SMCO2: variants seen among roughly 807,000 people sequenced by gnomAD.
SMCO2 encodes the protein single-pass membrane and coiled-coil domain-containing protein 2.
A neutral mutation model predicts 29.5 loss-of-function variants in SMCO2; 25 were observed. The ratio of observed to expected loss-of-function variants is 0.85; its 90% CI spans 0.62 to 1.18. The LOEUF (loss-of-function observed/expected upper bound fraction) is 1.18. Among genes scored for constraint, SMCO2 ranks in the 50% most tolerant of loss-of-function variants. The pLI is 0.00. For synonymous variants in SMCO2, 117 were observed against 123.3 expected, an observed-to-expected ratio of 0.95 and a Z score of 0.34; for missense variants, 348 against 344.5, an observed-to-expected ratio of 1.01 and a Z score of -0.08.
chr12:27,434,222 G>A, the SMCO2 span, among the ~76,000 whole-genome samples: 258 of 152,296 alleles, frequency 1.7e-3, no homozygotes, highest in African/African-American at 5.8e-3. Context: ...CTGGGAGCTT[G>A]TCAGGAATGC....
chr12:27,497,731 T>TC (rs1943027173), intron 7 of SMCO2: 1 of 127,304 alleles, frequency 7.9e-6, no homozygotes. Context: ...AGACCTGGTC[T>TC]CAAAAAAAAA....
the SMCO2 span, among the ~76,000 whole-genome samples, chr12:27,460,095 C>T: frequency 2.2e-4 from 33 of 152,252 alleles, no homozygotes; most frequent in African/African-American, 7.7e-4. Flanking sequence ...TCATATGTAA[C>T]ATGTATTACC....
chr12:27,475,778 A>G (rs1949581211), intron 4 of SMCO2, 47 bp downstream of exon 5: 1 of 1,393,418 alleles, frequency 7.2e-7, no homozygotes, highest in Middle Eastern at 2.3e-4. Context: ...AGAAAGTTTC[A>G]TAGCTTTAAA....
chr12:27,461,577 G>T, the SMCO2 span, among the ~76,000 whole-genome samples: 1 of 152,150 alleles, frequency 6.6e-6, no homozygotes. Context: ...CAGAACCCAC[G>T]GATAAGGAGA....
the SMCO2 span, among the ~76,000 whole-genome samples, chr12:27,455,407 G>A: frequency 6.6e-6 from 1 of 152,108 alleles, no homozygotes; most frequent in Non-Finnish European, 1.5e-5. Flanking sequence ...TATTCCTAGA[G>A]GCACATTTTC....
intron 6 of SMCO2, 59 bp from the exon 8 acceptor site, chr12:27,495,621 A>G: frequency 1.4e-6 from 2 of 1,386,632 alleles, no homozygotes; most frequent in Non-Finnish European, 9.6e-7. Flanking sequence ...CATTATCTAT[A>G]GTAAGACTTG....
chr12:27,434,597 T>C, the SMCO2 span, among the ~76,000 whole-genome samples: 1 of 152,126 alleles, frequency 6.6e-6, no homozygotes, highest in Non-Finnish European at 1.5e-5. Flanking sequence ...ACAAACCAAC[T>C]GAAAAAGATC....
intron 5 of SMCO2, among the ~76,000 whole-genome samples, chr12:27,492,469 G>A (rs529294573): frequency 8.9e-4 from 135 of 152,212 alleles, no homozygotes; most frequent in African/African-American, 2.5e-3. Context: ...GGGCCAAGAC[G>A]GGTTGATTGC....
the SMCO2 span, among the ~76,000 whole-genome samples, chr12:27,443,382 A>G: frequency 6.6e-6 from 1 of 152,254 alleles, no homozygotes; most frequent in Non-Finnish European, 1.5e-5. Context: ...AATAAAGCCC[A>G]TCTATGACAA....
chr12:27,495,525 G>T (rs1300604466), intron 6 of SMCO2, among the ~76,000 whole-genome samples, 155 bp from the exon 8 acceptor site: 1 of 150,658 alleles, frequency 6.6e-6, no homozygotes, highest in Non-Finnish European at 1.5e-5. Flanking sequence ...TTCTATTCAA[G>T]ATGCACCTGC....
chr12:27,469,362 G>A (rs1949523196), intron 1 of SMCO2, among the ~76,000 whole-genome samples: 1 of 152,072 alleles, frequency 6.6e-6, no homozygotes, highest in South Asian at 2.1e-4. Flanking sequence ...TCTTTCACAG[G>A]GGCCCCTTTT....
the SMCO2 span, among the ~76,000 whole-genome samples, chr12:27,457,317 A>G: frequency 6.6e-6 from 1 of 152,118 alleles, no homozygotes; most frequent in Non-Finnish European, 1.5e-5. Context: ...TAATTTTTGA[A>G]CAAGAGACCC....
the SMCO2 span, among the ~76,000 whole-genome samples, chr12:27,437,255 A>G: frequency 6.6e-6 from 1 of 152,144 alleles, no homozygotes; most frequent in East Asian, 1.9e-4. Flanking sequence ...TGGGTGACAG[A>G]GAAAGACCTT....
the SMCO2 span, among the ~76,000 whole-genome samples, chr12:27,432,347 G>A: frequency 8.6e-5 from 13 of 151,988 alleles, 1 homozygote; most frequent in South Asian, 1.7e-3. Flanking sequence ...AGCACGTGTC[G>A]TACTTATTTT....
rs1031817968 is a variant in SMCO2, at chr12:27,501,827, T to A, written c.684-96T>A. On this transcript the variant is annotated intron_variant, in intron 7 of 7. Transcript: ENST00000298876. ...CTGAAGTCAAGAGAAAATTACTTAG[T>A]TGAAGTTTTAGAGCTACCTGGGTGG... The A allele has an allele frequency of 5.4e-6, 5 of 929,212 alleles. 1 individual carries two copies. Among genetic ancestry groups the A allele is most frequent in the Non-Finnish European group, 6.1e-6 (4 of 659,322 alleles). The allele number at this position is 929,212 out of a possible 1,614,324, so 57.6% of individuals were successfully genotyped here.
chr12:27,443,993 A>G, the SMCO2 span, among the ~76,000 whole-genome samples: 1 of 152,250 alleles, frequency 6.6e-6, no homozygotes, highest in Admixed American at 6.5e-5. Context: ...ATATGGAACC[A>G]TGAAATACTT....
At chr12:27,428,818 CTTTTTTT>C in the SMCO2 span, among the ~76,000 whole-genome samples, 1 of 130,046 alleles carries the variant, frequency 7.7e-6, no homozygotes, top group Non-Finnish European at 1.6e-5. Flanking sequence ...AATAAATGTA[CTTTTTTT>C]TTTTTTTTTT....
At chr12:27,486,356 C>T (rs1199258208) in intron 4 of SMCO2, among the ~76,000 whole-genome samples, 1 of 152,208 alleles carries the variant, frequency 6.6e-6, no homozygotes, top group African/African-American at 2.4e-5. Flanking sequence ...CCTGCATCCC[C>T]TTTCTCTGAC....
chr12:27,452,471 A>G, the SMCO2 span, among the ~76,000 whole-genome samples: 1 of 152,178 alleles, frequency 6.6e-6, no homozygotes, highest in Non-Finnish European at 1.5e-5. Context: ...TAGTGCTGCA[A>G]TAAACATATG....
Sources: allele counts gnomAD v4.1 joint callset (sites outside exome capture counted in the v4.1 genomes callset), GRCh38; gene constraint gnomAD v4.1.1; transcripts MANE v1.5; gene names NCBI Gene and HGNC (gene_info 2026-07-23, HGNC 2026-07-21).